The following ZBTB20 variants were observed in gnomAD, a reference collection of about 807,000 sequenced individuals.
ZBTB20 encodes the protein zinc finger and BTB domain containing 20, also known as zinc finger and BTB domain-containing protein 20.
A neutral mutation model predicts 56.9 loss-of-function variants in ZBTB20; 9 were observed. The ratio of observed to expected loss-of-function variants is 0.16; its 90% CI spans 0.10 to 0.28. The LOEUF is 0.28. Among genes scored for constraint, ZBTB20 ranks in the 10% least tolerant of loss-of-function variants. The probability of loss-of-function intolerance (pLI) is 1.00; values close to 1 mark genes in which losing one functional copy is unlikely to be tolerated. For synonymous variants in ZBTB20, 417 were observed against 420.7 expected, an observed-to-expected ratio of 0.99 and a Z score of 0.11; for missense variants, 655 against 1,003.0, an observed-to-expected ratio of 0.65 and a Z score of 4.69.
At chr3:114,678,239 A>T (rs1368237790) in intron 6 of ZBTB20, among the ~76,000 whole-genome samples, 1 of 152,216 alleles carries the variant, frequency 6.6e-6, no homozygotes, top group African/African-American at 2.4e-5. Flanking sequence ...TATTCAATTT[A>T]AAAAATATGC....
At chr3:114,956,268 C>G (rs1474594364) in intron 3 of ZBTB20, among the ~76,000 whole-genome samples, 3 of 152,134 alleles carry the variant, frequency 2.0e-5, no homozygotes, top group Admixed American at 1.3e-4. Context: ...TAAAACCTGG[C>G]CTTTTCAGTC....
At chr3:114,405,058 C>CTT (rs2087179304) in intron 7 of ZBTB20, among the ~76,000 whole-genome samples, 1 of 151,938 alleles carries the variant, frequency 6.6e-6, no homozygotes, top group Non-Finnish European at 1.5e-5. Flanking sequence ...CAGAGAAAAA[C>CTT]TTTCAAGGGT....
intron 1 of ZBTB20, among the ~76,000 whole-genome samples, chr3:115,126,821 A>C (rs2084346259): frequency 6.6e-6 from 1 of 152,198 alleles, no homozygotes; most frequent in African/African-American, 2.4e-5. Flanking sequence ...TTGATGTTCT[A>C]ATACTTTGGT....
intron 10 of ZBTB20, among the ~76,000 whole-genome samples, chr3:114,370,682 T>TATAGTGCTCTTG (rs1285862735): frequency 6.6e-6 from 1 of 152,220 alleles, no homozygotes; most frequent in Non-Finnish European, 1.5e-5. Flanking sequence ...ATTTATGGCT[T>TATAGTGCTCTTG]ATAGTGCTCT....
chr3:115,003,154 G>A (rs182808165), intron 2 of ZBTB20, among the ~76,000 whole-genome samples: 82 of 151,660 alleles, frequency 5.4e-4, no homozygotes, highest in Middle Eastern at 6.8e-3. Context: ...AATGGGGAGG[G>A]ATAAACAGGT....
intron 7 of ZBTB20, among the ~76,000 whole-genome samples, chr3:114,466,928 G>A (rs548039472): frequency 1.8e-4 from 28 of 152,290 alleles, no homozygotes; most frequent in African/African-American, 6.5e-4. Flanking sequence ...AGTGACTTGA[G>A]GAATATCATT....
intron 7 of ZBTB20, among the ~76,000 whole-genome samples, chr3:114,436,980 G>A (rs2090562041): frequency 6.6e-6 from 1 of 152,144 alleles, no homozygotes; most frequent in Non-Finnish European, 1.5e-5. Context: ...AACATACCAC[G>A]GAGGGGTCAA....
intron 4 of ZBTB20, among the ~76,000 whole-genome samples, chr3:114,891,152 A>G (rs1198552521): frequency 6.6e-6 from 1 of 152,196 alleles, no homozygotes; most frequent in Non-Finnish European, 1.5e-5. Flanking sequence ...TACTGTCTTC[A>G]GAGGGACTCT....
At chr3:114,425,619 G>A (rs143749169) in intron 7 of ZBTB20, among the ~76,000 whole-genome samples, 1 of 151,996 alleles carries the variant, frequency 6.6e-6, no homozygotes, top group African/African-American at 2.4e-5. Flanking sequence ...GTCCCTCAAA[G>A]AACTATCTTA....
chr3:115,133,032 A>AT (rs1201805877), intron 1 of ZBTB20, among the ~76,000 whole-genome samples: 1 of 152,162 alleles, frequency 6.6e-6, no homozygotes, highest in Admixed American at 6.5e-5. Context: ...ATTTTTTACT[A>AT]TATAATCTTT....
At chr3:114,783,552 T>G (rs970290563) in intron 5 of ZBTB20, among the ~76,000 whole-genome samples, 4 of 151,988 alleles carry the variant, frequency 2.6e-5, no homozygotes, top group African/African-American at 4.8e-5. Flanking sequence ...TCCCAGCACT[T>G]TGGGAGGCTG....
intron 7 of ZBTB20, among the ~76,000 whole-genome samples, chr3:114,456,638 C>T (rs767092381): frequency 2.6e-5 from 4 of 152,130 alleles, no homozygotes; most frequent in Admixed American, 6.5e-5. Context: ...CTATATTTTC[C>T]GCCCATGAAA....
At chr3:115,064,583 C>G (rs1649087058) in intron 2 of ZBTB20, among the ~76,000 whole-genome samples, 2 of 151,084 alleles carry the variant, frequency 1.3e-5, no homozygotes, top group South Asian at 2.1e-4. Context: ...TCCCAAGTAG[C>G]TAGGATTACA....
At chr3:114,553,213 T>C (rs1206230796) in intron 6 of ZBTB20, among the ~76,000 whole-genome samples, 1 of 152,218 alleles carries the variant, frequency 6.6e-6, no homozygotes, top group Non-Finnish European at 1.5e-5. Context: ...CACCATTTTA[T>C]ACTCTATATA....
At chr3:115,095,633 C>A (rs1036761218) in intron 1 of ZBTB20, among the ~76,000 whole-genome samples, 4 of 152,082 alleles carry the variant, frequency 2.6e-5, no homozygotes, top group African/African-American at 7.2e-5. Context: ...TTTCTAACAC[C>A]GGCTGTAGTG....
At chr3:114,456,212 TGG>T (rs5851927) in intron 7 of ZBTB20, among the ~76,000 whole-genome samples, 3,613 of 151,338 alleles carry the variant, frequency 0.024, 130 homozygotes, top group African/African-American at 0.077. Flanking sequence ...TATATATATA[TGG>T]AGAGAGAGAG....
At chr3:114,594,878 T>C (rs1041678921) in intron 6 of ZBTB20, among the ~76,000 whole-genome samples, 1 of 152,182 alleles carries the variant, frequency 6.6e-6, no homozygotes, top group Non-Finnish European at 1.5e-5. Flanking sequence ...CAAAAACGGA[T>C]CTAACTATAG....
intron 5 of ZBTB20, among the ~76,000 whole-genome samples, chr3:114,700,710 C>T (rs1236306632): frequency 1.3e-5 from 2 of 152,126 alleles, no homozygotes; most frequent in African/African-American, 4.8e-5. Context: ...AAGACCTGCA[C>T]ACTAAAATTG....
At chr3:114,522,472 T>A (rs1165702858) in intron 6 of ZBTB20, among the ~76,000 whole-genome samples, 3 of 152,176 alleles carry the variant, frequency 2.0e-5, no homozygotes, top group African/African-American at 7.2e-5. Context: ...ATTAGAGAGT[T>A]CTGAGCAGAG....
Sources: allele counts gnomAD v4.1 joint callset (sites outside exome capture counted in the v4.1 genomes callset), GRCh38; gene constraint gnomAD v4.1.1; transcripts MANE v1.5; gene names NCBI Gene and HGNC (gene_info 2026-07-23, HGNC 2026-07-21).